RANBP2: variants seen among roughly 807,000 people sequenced by gnomAD.
RANBP2 encodes the protein RAN binding protein 2.
In RANBP2, 57 loss-of-function variants were observed where a neutral mutation model predicts 303.6. The ratio of observed to expected loss-of-function variants is 0.19; its 90% CI spans 0.15 to 0.23. RANBP2 has a LOEUF of 0.23. Among genes scored for constraint, RANBP2 ranks in the 10% least tolerant of loss-of-function variants. The pLI is 1.00. For missense variants in RANBP2, 3,138 were observed against 3,780.8 expected (o/e 0.83, Z 4.46); for synonymous variants, 1,167 against 1,301.5 (o/e 0.90, Z 2.23).
intron 2 of RANBP2, among the ~76,000 whole-genome samples, chr2:108,729,649 A>G (rs1343838366): frequency 6.6e-6 from 1 of 152,180 alleles, no homozygotes; most frequent in Non-Finnish European, 1.5e-5. Context: ...TCCTAGGGAT[A>G]AGAAGCTTGG....
At chr2:109,605,211 A>G in the RANBP2 span, among the ~76,000 whole-genome samples, 2 of 152,206 alleles carry the variant, frequency 1.3e-5, no homozygotes, top group African/African-American at 4.8e-5. Flanking sequence ...TTTGGGCTGA[A>G]TATAATTATA....
At chr2:109,495,300 GTCTGT>G in the RANBP2 span, among the ~76,000 whole-genome samples, 1 of 152,108 alleles carries the variant, frequency 6.6e-6, no homozygotes, top group Non-Finnish European at 1.5e-5. Context: ...ACCAACCCTG[GTCTGT>G]TCTGGTGCAG....
At chr2:109,525,079 G>GT in the RANBP2 span, among the ~76,000 whole-genome samples, 1,189 of 119,338 alleles carry the variant, frequency 1.0e-2, 3 homozygotes, top group African/African-American at 0.014. Context: ...CCTTACCGTT[G>GT]TTTTTTTTTT....
intron 25 of RANBP2, among the ~76,000 whole-genome samples, chr2:108,779,141 C>T (rs1298047252): frequency 6.6e-6 from 1 of 151,340 alleles, no homozygotes; most frequent in Non-Finnish European, 1.5e-5. Flanking sequence ...CATTCCTTTG[C>T]AATATGTCCT....
At chr2:109,376,348 A>G in the RANBP2 span, among the ~76,000 whole-genome samples, 5 of 152,190 alleles carry the variant, frequency 3.3e-5, no homozygotes, top group Non-Finnish European at 5.9e-5. Flanking sequence ...TTTAAGGAGC[A>G]TTGTCAGGAA....
the RANBP2 span, among the ~76,000 whole-genome samples, chr2:109,631,477 C>T: frequency 5.2e-3 from 796 of 152,142 alleles, 9 homozygotes; most frequent in African/African-American, 0.018. Context: ...AAATTCTGGC[C>T]GGGTGCAGTG....
At chr2:109,095,671 A>G in the RANBP2 span, among the ~76,000 whole-genome samples, 1 of 152,208 alleles carries the variant, frequency 6.6e-6, no homozygotes, top group Non-Finnish European at 1.5e-5. Context: ...GTGTCCAAAC[A>G]ACAGGGGTTT....
the RANBP2 span, among the ~76,000 whole-genome samples, chr2:109,485,514 C>T: frequency 6.6e-6 from 1 of 152,216 alleles, no homozygotes; most frequent in Admixed American, 6.5e-5. Flanking sequence ...TTCTACTAAA[C>T]AGTTAAGGCC....
the RANBP2 span, among the ~76,000 whole-genome samples, chr2:108,971,211 G>T: frequency 3.9e-4 from 60 of 152,278 alleles, no homozygotes; most frequent in Non-Finnish European, 6.5e-4. Context: ...ATGAGGGTGG[G>T]AATCATCTTT....
At chr2:108,802,839 AGG>A in the RANBP2 span, among the ~76,000 whole-genome samples, 2 of 152,156 alleles carry the variant, frequency 1.3e-5, no homozygotes, top group African/African-American at 2.4e-5. Context: ...TTCAGCATGA[AGG>A]GTTGTTGAAT....
the RANBP2 span, among the ~76,000 whole-genome samples, chr2:108,899,917 C>T: frequency 6.6e-6 from 1 of 151,852 alleles, no homozygotes; most frequent in Non-Finnish European, 1.5e-5. Context: ...ACCTGGGAGG[C>T]GGAGGTTGCA....
chr2:109,081,453 G>A, the RANBP2 span, among the ~76,000 whole-genome samples: 1 of 152,136 alleles, frequency 6.6e-6, no homozygotes. Flanking sequence ...TTTTTCACAT[G>A]GGGCTCCGCG....
At chr2:109,599,180 G>A in the RANBP2 span, among the ~76,000 whole-genome samples, 18 of 152,162 alleles carry the variant, frequency 1.2e-4, no homozygotes, top group East Asian at 1.4e-3. Flanking sequence ...AGTGGAGGCC[G>A]GGCGCGGTGG....
chr2:109,437,291 A>G, the RANBP2 span: 1 of 1,331,972 alleles, frequency 7.5e-7, no homozygotes, highest in Non-Finnish European at 1.0e-6. Context: ...CTTAAGGAAA[A>G]CCGGTTTGGC....
chr2:109,155,595 C>G, the RANBP2 span, among the ~76,000 whole-genome samples: 1 of 152,198 alleles, frequency 6.6e-6, no homozygotes, highest in Non-Finnish European at 1.5e-5. Flanking sequence ...GCCACCGTGC[C>G]TGGCCGGATC....
At chr2:109,266,772 G>GC in the RANBP2 span, among the ~76,000 whole-genome samples, 1 of 152,194 alleles carries the variant, frequency 6.6e-6, no homozygotes, top group Non-Finnish European at 1.5e-5. Context: ...AGACAGGGGT[G>GC]AGCGTGTGCC....
the RANBP2 span, among the ~76,000 whole-genome samples, chr2:109,679,921 G>T: frequency 6.6e-6 from 1 of 152,160 alleles, no homozygotes; most frequent in African/African-American, 2.4e-5. Context: ...GAGGCAAATC[G>T]CCAGTGTGGA....
At chr2:109,439,467 C>T in the RANBP2 span, among the ~76,000 whole-genome samples, 1 of 152,142 alleles carries the variant, frequency 6.6e-6, no homozygotes, top group Non-Finnish European at 1.5e-5. Context: ...ATGGATTGTT[C>T]CCTGCAGTAA....
At chr2:109,427,975 G>A in the RANBP2 span, among the ~76,000 whole-genome samples, 29 of 152,362 alleles carry the variant, frequency 1.9e-4, 1 homozygote, top group Admixed American at 6.5e-4. Flanking sequence ...GCTCCTGGTC[G>A]CCTCTGAGCT....
Sources: allele counts gnomAD v4.1 joint callset (sites outside exome capture counted in the v4.1 genomes callset), GRCh38; gene constraint gnomAD v4.1.1; transcripts MANE v1.5; gene names NCBI Gene and HGNC (gene_info 2026-07-23, HGNC 2026-07-21).